RNF115: variants seen among roughly 807,000 people sequenced by gnomAD.
RNF115 encodes the protein E3 ubiquitin-protein ligase RNF115.
In RNF115, 31 loss-of-function variants were observed where a neutral mutation model predicts 39.2. The ratio of observed to expected loss-of-function variants is 0.79; its 90% confidence interval spans 0.59 to 1.07. The LOEUF is 1.07. RNF115 is among the 50% of genes least tolerant of loss of function. The pLI, the probability that RNF115 is intolerant of heterozygous loss-of-function variation, is 0.00. For synonymous variants in RNF115, 124 were observed against 131.0 expected (o/e 0.95, Z 0.37); for missense variants, 384 against 381.7 (o/e 1.01, Z -0.05).
At chr1:145,805,819 G>T (rs2101595937) in intron 1 of RNF115, among the ~76,000 whole-genome samples, 1 of 152,162 alleles carries the variant, frequency 6.6e-6, no homozygotes, top group African/African-American at 2.4e-5. Flanking sequence ...TGAAGACCCT[G>T]AAAGGTTCAA....
At chr1:145,795,020 A>AAG (rs1166084358) in intron 1 of RNF115, among the ~76,000 whole-genome samples, 6 of 150,594 alleles carry the variant, frequency 4.0e-5, no homozygotes, top group Non-Finnish European at 8.9e-5. Context: ...CCATTTCAAA[A>AAG]AAAAAAAAAA....
rs921894744 is a variant in RNF115 at position 145,765,370 on chromosome 1, G to A, written c.428+6341C>T. 3.3e-5 allele frequency among the ~76,000 whole-genome samples: 5 copies of A among 150,130 alleles called. No homozygotes were observed. In the East Asian group the frequency reaches 7.8e-4, roughly 23 times the overall value. The stretch of plus-strand genomic sequence containing the variant: ...GACCTTCCCTCCACTATTGTCCTAT[G>A]ACCCTGCCAAATCCCCCTCTGCGAG... On this transcript the variant is annotated intron_variant, in intron 4 of 8. Transcript: ENST00000582693.
intron 1 of RNF115, among the ~76,000 whole-genome samples, chr1:145,798,244 T>C (rs587667467): frequency 6.6e-6 from 1 of 152,284 alleles, no homozygotes; most frequent in South Asian, 2.1e-4. Flanking sequence ...GCCTTTCCTC[T>C]AAGTTTTAAG....
chr1:145,823,708 G>C, intron 1 of RNF115, 64 bp downstream of exon 1: 2 of 1,286,856 alleles, frequency 1.6e-6, no homozygotes, highest in East Asian at 2.8e-5. Context: ...TCCAGACCCA[G>C]TTCCGGGAAA....
chr1:145,774,445 G>A (rs953772293), intron 3 of RNF115, among the ~76,000 whole-genome samples: 1 of 152,020 alleles, frequency 6.6e-6, no homozygotes, highest in Non-Finnish European at 1.5e-5. Flanking sequence ...CACCTCCTGG[G>A]TTCAAGCCAT....
intron 1 of RNF115, among the ~76,000 whole-genome samples, chr1:145,806,466 C>T (rs984446381): frequency 6.6e-6 from 1 of 152,146 alleles, no homozygotes; most frequent in Non-Finnish European, 1.5e-5. Flanking sequence ...TATTAATCTC[C>T]GTACTTCTTC....
Position 145,746,709 on chromosome 1 carries a change from A to T in RNF115, c.*157T>A, listed in dbSNP as rs1345832352. 5 of 703,952 alleles carry T rather than the reference A, an allele frequency of 7.1e-6. No homozygotes were observed. The East Asian group carries it at 8.4e-5, about 12-fold the overall frequency. The allele number at this position is 703,952 out of a possible 1,614,324, so 43.6% of individuals were successfully genotyped here. ...GATACAATTCCATCTGTAGATACTA[A>T]CTTTAAATTTAAAGAAGAAAAACAT... On this transcript the variant is annotated 3_prime_UTR_variant, in exon 9 of 9. Transcript: ENST00000582693.
chr1:145,781,016 CA>C (rs1648118229), intron 3 of RNF115, among the ~76,000 whole-genome samples: 1 of 152,136 alleles, frequency 6.6e-6, no homozygotes, highest in African/African-American at 2.4e-5. Context: ...CTTCTCTCTA[CA>C]AACTGCTAGC....
rs782331180 is a variant in RNF115, at chr1:145,771,696, A to C, written c.428+15T>G. 3.3e-5 allele frequency: 53 copies of C among 1,607,682 alleles called. No individual in the cohort carries two copies. The highest frequency in any genetic ancestry group is 4.3e-5 in the Non-Finnish European group (50 of 1,175,624). On this transcript the variant is annotated intron_variant, in intron 4 of 8. Coordinates refer to ENST00000582693, the MANE Select transcript of RNF115 (RefSeq NM_014455.4). Reference sequence around the variant, plus strand: ...TGAAACTACCTTAAAAAGAACTTAAAATAAAACAACTCACCCTTCAATAGC... The same window carrying C: ...TGAAACTACCTTAAAAAGAACTTAACATAAAACAACTCACCCTTCAATAGC...
In RNF115 at chr1:145,784,528, G is replaced by C; in HGVS notation, c.219+11C>G. 1.2e-6 allele frequency: 2 copies of C among 1,612,854 alleles called. No homozygotes were observed. Among genetic ancestry groups the C allele is most frequent in the South Asian group, 1.1e-5 (1 of 91,018 alleles). On this transcript the variant is annotated intron_variant, in intron 3 of 8. Transcript: ENST00000582693. ...TTCTTAAAGAATTCCTACAGCTAAA[G>C]GAAAACTTACCTCTGCAAAATGTGT...
Position 145,824,083 on chromosome 1 carries a change from A to G in RNF115, c.-210T>C, listed in dbSNP as rs1650475939. On this transcript the variant is annotated 5_prime_UTR_variant, in exon 1 of 9. Coordinates refer to ENST00000582693, the MANE Select transcript of RNF115 (RefSeq NM_014455.4). ...CCGCCTCCCAGCACCAAAGAGGCGC[A>G]GGAAGGAGAGACAAACGGCCCGCCC... 6.6e-6 allele frequency: 3 copies of G among 452,706 alleles called. No homozygotes were observed. In the East Asian group the frequency reaches 1.2e-4, roughly 18 times the overall value. The allele number at this position is 452,706 out of a possible 1,614,324, so 28.0% of individuals were successfully genotyped here.
chr1:145,772,370 G>T (rs1254023562), intron 3 of RNF115: 2 of 160,726 alleles, frequency 1.2e-5, no homozygotes, highest in African/African-American at 2.4e-5. Flanking sequence ...GATCTGTGGT[G>T]AGCCTGAAGA....
intron 3 of RNF115, chr1:145,772,599 CTTAT>C (rs1647694391): frequency 6.6e-6 from 1 of 152,190 alleles, no homozygotes; most frequent in Non-Finnish European, 1.5e-5. Flanking sequence ...AGAAATTCAT[CTTAT>C]TTAAGATCCC....
chr1:145,770,845 CATT>C (rs1272995541), intron 4 of RNF115, among the ~76,000 whole-genome samples: 5 of 152,306 alleles, frequency 3.3e-5, no homozygotes, highest in South Asian at 2.1e-4. Context: ...TTTGACTCAT[CATT>C]GTGTTCCTAG....
chr1:145,795,035 A>AAAG (rs1197511233), intron 1 of RNF115, among the ~76,000 whole-genome samples: 1 of 151,382 alleles, frequency 6.6e-6, no homozygotes, highest in Non-Finnish European at 1.5e-5. Flanking sequence ...AAAAAAAAAA[A>AAAG]AAGATAGTGT....
chr1:145,759,891 A>G (rs1658436967), intron 4 of RNF115, among the ~76,000 whole-genome samples: 1 of 152,150 alleles, frequency 6.6e-6, no homozygotes, highest in African/African-American at 2.4e-5. Flanking sequence ...CTATTCAGAT[A>G]CTTTCTCAAT....
rs1553711988 is a variant in RNF115 at position 145,748,041 on chromosome 1, CA to C, written c.736del (p.Cys246AlafsTer14). Reference protein sequence around the residue: ...TVEEEVRQLPCNHFFHSSCIV... With the variant: ...TVEEEVRQLPXNHFFHSSCIV... ...ACAACTGCTGTGAAAGAAGTGATTG[CA>C]AGGTAACTGCCGGACTTCCTCTTCA... On this transcript the variant is annotated frameshift_variant, in exon 8 of 9. Transcript: ENST00000582693. LOFTEE classifies it high-confidence loss of function. 1 of 1,613,814 alleles carries C rather than the reference CA, an allele frequency of 6.2e-7. No individual in the cohort carries two copies. Among genetic ancestry groups the C allele is most frequent in the Non-Finnish European group, 8.5e-7 (1 of 1,179,772 alleles).
At chr1:145,789,149 C>T in intron 1 of RNF115, among the ~76,000 whole-genome samples, 183 bp from the exon 2 acceptor site, 1 of 151,988 alleles carries the variant, frequency 6.6e-6, no homozygotes, top group East Asian at 1.9e-4. Context: ...GTCACCCAGG[C>T]TGGACTGCAG....
intron 4 of RNF115, among the ~76,000 whole-genome samples, chr1:145,760,976 G>A (rs1282662886): frequency 1.3e-5 from 2 of 152,188 alleles, no homozygotes; most frequent in Admixed American, 1.3e-4. Flanking sequence ...AACTTGTTGG[G>A]AACTGGAGCA....
Sources: gnomAD v4.1 joint callset for allele counts (sites outside exome capture counted in the v4.1 genomes callset) on GRCh38, gnomAD v4.1.1 for gene constraint, MANE v1.5 for transcripts, NCBI Gene and HGNC (gene_info 2026-07-23, HGNC 2026-07-21) for gene names.